Variants in TTLL5 observed in about 807,000 individuals in gnomAD.
TTLL5 encodes the protein tubulin tyrosine ligase like 5, also known as tubulin polyglutamylase TTLL5.
In TTLL5, 132 loss-of-function variants were observed where a neutral mutation model predicts 168.4. The observed-to-expected ratio is 0.78, with a 90% CI of 0.68 to 0.91. The LOEUF (loss-of-function observed/expected upper bound fraction) is 0.91, where lower values mean the gene tolerates loss of function less well. TTLL5 is among the 40% of genes least tolerant of loss of function. The pLI is 0.00. For synonymous variants in TTLL5, 546 were observed against 558.6 expected, an observed-to-expected ratio of 0.98 and a Z score of 0.32; for missense variants, 1,545 against 1,581.5, an observed-to-expected ratio of 0.98 and a Z score of 0.39.
intron 21 of TTLL5, 96 bp from the exon 22 acceptor site, chr14:75,775,388 T>C: frequency 7.3e-7 from 1 of 1,366,352 alleles, no homozygotes; most frequent in South Asian, 1.4e-5. Context: ...ATATATGTCT[T>C]CTTCCATCTC....
intron 29 of TTLL5, among the ~76,000 whole-genome samples, chr14:75,869,018 G>GTGTA (rs1259604348): frequency 2.2e-5 from 2 of 92,716 alleles, no homozygotes; most frequent in African/African-American, 8.9e-5. Flanking sequence ...GGAGGAGTGT[G>GTGTA]TGTGTGTGTG....
rs376536907 is a variant in TTLL5, at chr14:75,913,185, T to G, written c.3823+10961T>G. Among the ~76,000 whole-genome samples the G allele has an allele frequency of 3.1e-4, 47 of 152,334 alleles. 4 individuals carry two copies. Among genetic ancestry groups the G allele is most frequent in the East Asian group, 2.7e-3 (14 of 5,184 alleles). On this transcript the variant is annotated intron_variant, in intron 31 of 31. Coordinates refer to ENST00000298832, the MANE Select transcript of TTLL5 (RefSeq NM_015072.5). The stretch of plus-strand genomic sequence containing the variant: ...TCTGAAAGCTTTGGCAGCTAAGCAG[T>G]ATTCTCGCTCTATCATGTGGCATGT...
intron 31 of TTLL5, among the ~76,000 whole-genome samples, chr14:75,922,850 G>A (rs8004776): frequency 0.022 from 3,399 of 152,168 alleles, 134 homozygotes; most frequent in African/African-American, 0.077. Flanking sequence ...CTGTGAGTCC[G>A]ACAGGTCCTG....
intron 31 of TTLL5, among the ~76,000 whole-genome samples, chr14:75,937,831 T>C (rs527899965): frequency 3.9e-5 from 6 of 152,316 alleles, no homozygotes; most frequent in Non-Finnish European, 7.4e-5. Context: ...TGTGCAAATA[T>C]ATGTTTGTGT....
At chr14:75,909,749 G>A (rs966117935) in intron 31 of TTLL5, among the ~76,000 whole-genome samples, 6 of 152,222 alleles carry the variant, frequency 3.9e-5, no homozygotes, top group Non-Finnish European at 8.8e-5. Flanking sequence ...TTCATCCGTA[G>A]CCTGTGTTAC....
At chr14:75,842,496 C>T (rs1896314806) in intron 28 of TTLL5, among the ~76,000 whole-genome samples, 1 of 152,108 alleles carries the variant, frequency 6.6e-6, no homozygotes, top group South Asian at 2.1e-4. Context: ...AGTTCATCTT[C>T]CCTCCACGCT....
chr14:75,929,191 G>A lies in TTLL5; in HGVS notation c.3824-25233G>A, dbSNP rs560871959. Among the ~76,000 whole-genome samples, 17 of 152,216 alleles carry A rather than the reference G, an allele frequency of 1.1e-4. No homozygotes were observed. The South Asian group carries it at 1.2e-3, about 11-fold the overall frequency. On this transcript the variant is annotated intron_variant, in intron 31 of 31. Transcript: ENST00000298832. ...TAAAACTAATTAGCATAGCAGCAGC[G>A]TAGTATAATGAAAAGAGCTCTCAAT...
intron 27 of TTLL5, among the ~76,000 whole-genome samples, chr14:75,796,307 T>TGTAGATTCTGGCTATTAGTCCTTTGTTG (rs1892994235): frequency 6.6e-6 from 1 of 152,258 alleles, no homozygotes; most frequent in Non-Finnish European, 1.5e-5. Context: ...TTGAGTTCCT[T>TGTAGATTCTGGCTATTAGTCCTTTGTTG]GTAGATTCTG....
intron 28 of TTLL5, among the ~76,000 whole-genome samples, chr14:75,826,140 G>A (rs1895115978): frequency 6.6e-6 from 1 of 152,126 alleles, no homozygotes; most frequent in Non-Finnish European, 1.5e-5. Flanking sequence ...TGAAAAACGT[G>A]GATCTTTCTT....
chr14:75,942,352 G>A (rs750844215), intron 31 of TTLL5, among the ~76,000 whole-genome samples: 1 of 152,116 alleles, frequency 6.6e-6, no homozygotes, highest in Non-Finnish European at 1.5e-5. Context: ...GGGTAACAGC[G>A]CTATTGATCA....
intron 27 of TTLL5, among the ~76,000 whole-genome samples, chr14:75,819,685 C>G (rs750412660): frequency 6.6e-6 from 1 of 152,202 alleles, no homozygotes; most frequent in Non-Finnish European, 1.5e-5. Flanking sequence ...TAGTTCGCCT[C>G]GTTTCTTTGA....
At position 75,707,026 on chromosome 14, in the gene TTLL5, G is replaced by C. The variant is rs774599234; in HGVS notation, c.594G>C (p.Gln198His). ...RGVYLINNPN[Q>H]ISLEENILVS... ...TTCTCTTTACTCAATAGCCAAACCA[G>C]ATCTCCCTGGAAGAGAACATTTTGG... is the stretch of plus-strand genomic sequence containing the variant. The change falls in exon 8 of 32, where the codon CAG (glutamine) becomes CAC (histidine). Residue 198 changes from glutamine to histidine, a missense_variant. Physicochemically the swap from Gln to His is conservative, Grantham distance 24 (BLOSUM62 0). Transcript: ENST00000298832. The C allele has an allele frequency of 1.2e-6, 2 of 1,609,474 alleles. No individual in the cohort carries two copies. The highest frequency in any genetic ancestry group is 2.7e-5 in the African/African-American group (2 of 74,790).
At position 75,764,764 on chromosome 14, in the gene TTLL5, A is replaced by G; in HGVS notation, c.1700A>G (p.Lys567Arg). 6.2e-7 allele frequency: 1 copy of G among 1,614,104 alleles called. No homozygotes were observed. The highest frequency in any genetic ancestry group is 8.5e-7 in the Non-Finnish European group (1 of 1,179,978). Residue 567 changes from lysine to arginine, a missense_variant, in exon 19 of 32, where the codon AAA becomes AGA. By Grantham distance (26) the Lys-to-Arg change is conservative. Transcript: ENST00000298832. The part of the protein sequence containing the change: ...RSSRLRAMRP[K>R]YPVITQPAEM... ...AGCAGATTGAGGGCAATGAGGCCAA[A>G]ATACCCAGGTACCTGCTGGTGAGCT...
chr14:75,799,230 C>G (rs1893154057), intron 27 of TTLL5, among the ~76,000 whole-genome samples: 1 of 152,098 alleles, frequency 6.6e-6, no homozygotes, highest in Admixed American at 6.6e-5. Context: ...CCCTCTTTGT[C>G]TCTTTAAACT....
At chr14:75,909,986 G>A (rs1488094493) in intron 31 of TTLL5, among the ~76,000 whole-genome samples, 1 of 152,218 alleles carries the variant, frequency 6.6e-6, no homozygotes, top group African/African-American at 2.4e-5. Context: ...GAAGAAGACA[G>A]CCTGGCTTTT....
At chr14:75,869,650 A>G (rs1382660034) in intron 29 of TTLL5, among the ~76,000 whole-genome samples, 1 of 152,070 alleles carries the variant, frequency 6.6e-6, no homozygotes, top group Non-Finnish European at 1.5e-5. Context: ...GTGTCACATA[A>G]GTAATAAATG....
At chr14:75,728,507 A>C (rs781250706) in intron 12 of TTLL5, among the ~76,000 whole-genome samples, 1 of 152,170 alleles carries the variant, frequency 6.6e-6, no homozygotes, top group Non-Finnish European at 1.5e-5. Context: ...ACCATTCTCC[A>C]AGATGAAGAA....
At chr14:75,847,254 C>A (rs186343873) in intron 28 of TTLL5, among the ~76,000 whole-genome samples, 1 of 151,994 alleles carries the variant, frequency 6.6e-6, no homozygotes, top group Non-Finnish European at 1.5e-5. Context: ...CCACCCACCT[C>A]GGCCTTCCAA....
intron 3 of TTLL5, among the ~76,000 whole-genome samples, chr14:75,673,618 A>G (rs1298957601): frequency 6.6e-6 from 1 of 152,250 alleles, no homozygotes; most frequent in African/African-American, 2.4e-5. Flanking sequence ...AGAATATGAT[A>G]TTGTGAGGAT....
Sources: gnomAD v4.1 joint callset for allele counts (sites outside exome capture counted in the v4.1 genomes callset) on GRCh38, gnomAD v4.1.1 for gene constraint, MANE v1.5 for transcripts, NCBI Gene and HGNC (gene_info 2026-07-23, HGNC 2026-07-21) for gene names.